Variants in PRDM16 observed in about 807,000 individuals in gnomAD.
PRDM16 encodes the protein PR/SET domain 16, also known as histone-lysine N-methyltransferase PRDM16.
Under a neutral mutation model 110.6 loss-of-function variants are expected in PRDM16, and 23 were observed. The ratio of observed to expected loss-of-function variants is 0.21; its 90% confidence interval spans 0.15 to 0.29. The LOEUF (loss-of-function observed/expected upper bound fraction) is 0.29. Ranked by LOEUF, PRDM16 falls within the 10% of genes least tolerant of loss-of-function variation. PRDM16 has a pLI of 1.00. For missense variants in PRDM16, 1,615 were observed against 1,794.3 expected (o/e 0.90, Z 1.81); for synonymous variants, 799 against 781.8 (o/e 1.02, Z -0.37).
Position 3,433,372 on chromosome 1 carries a change from C to T in PRDM16, c.3697-305C>T, listed in dbSNP as rs542310805. On this transcript the variant is annotated intron_variant, in intron 16 of 16. Coordinates refer to ENST00000270722, the MANE Select transcript of PRDM16 (RefSeq NM_022114.4). The stretch of plus-strand genomic sequence containing the variant: ...GGCCCAGGGCAAGGTTGAGCCAGGC[C>T]AGGGCCACGGGAGGCTGGGAACGGA... Among the ~76,000 whole-genome samples, 168 of 152,360 alleles carry T rather than the reference C, an allele frequency of 1.1e-3. 1 individual carries two copies. The highest frequency in any genetic ancestry group is 3.9e-3 in the African/African-American group (162 of 41,592).
intron 12 of PRDM16, among the ~76,000 whole-genome samples, chr1:3,421,123 C>T (rs1231813854): frequency 2.6e-5 from 4 of 152,302 alleles, no homozygotes; most frequent in East Asian, 3.9e-4. Context: ...TGTATTTTTA[C>T]GGCTGGGTTT....
intron 1 of PRDM16, among the ~76,000 whole-genome samples, chr1:3,181,651 CACACGGTCTT>C (rs1236664475): frequency 6.5e-5 from 9 of 137,500 alleles, no homozygotes; most frequent in African/African-American, 2.3e-4. Flanking sequence ...CACGGTCTTA[CACACGGTCTT>C]ACACAGTCTT....
chr1:3,074,692 C>T (rs1395860279), intron 1 of PRDM16, among the ~76,000 whole-genome samples: 1 of 152,212 alleles, frequency 6.6e-6, no homozygotes, highest in Non-Finnish European at 1.5e-5. Flanking sequence ...CTCCCTCGCT[C>T]ACTGCCTTCA....
chr1:3,197,573 G>A (rs1017201668), intron 2 of PRDM16, among the ~76,000 whole-genome samples: 8 of 152,344 alleles, frequency 5.3e-5, no homozygotes, highest in Middle Eastern at 3.4e-3. Flanking sequence ...CTACGAGGGC[G>A]GCAGGAAGCA....
At chr1:3,322,481 C>T (rs1412246488) in intron 3 of PRDM16, among the ~76,000 whole-genome samples, 1 of 152,162 alleles carries the variant, frequency 6.6e-6, no homozygotes. Context: ...GAGTGCACCC[C>T]GGCTGGGGCT....
intron 3 of PRDM16, among the ~76,000 whole-genome samples, chr1:3,320,972 C>T (rs559570042): frequency 6.6e-6 from 1 of 152,346 alleles, no homozygotes; most frequent in South Asian, 2.1e-4. Flanking sequence ...CCCAAGCACC[C>T]GAGGGAGACG....
intron 1 of PRDM16, among the ~76,000 whole-genome samples, chr1:3,102,937 A>G (rs1329905164): frequency 6.6e-6 from 1 of 152,170 alleles, no homozygotes; most frequent in African/African-American, 2.4e-5. Context: ...CGGTGATGTG[A>G]GTCTGAATGT....
chr1:3,254,600 G>A (rs886908905), intron 3 of PRDM16, among the ~76,000 whole-genome samples: 4 of 152,072 alleles, frequency 2.6e-5, no homozygotes, highest in African/African-American at 9.7e-5. Flanking sequence ...AACTTACAAG[G>A]GACATGAAGG....
chr1:3,392,458 A>G (rs968506738), intron 4 of PRDM16, among the ~76,000 whole-genome samples: 3 of 152,270 alleles, frequency 2.0e-5, no homozygotes, highest in South Asian at 2.1e-4. Flanking sequence ...CTCAGATTCA[A>G]CCCAGTTCCT....
chr1:3,165,277 C>G (rs572814196), intron 1 of PRDM16, among the ~76,000 whole-genome samples: 4 of 97,272 alleles, frequency 4.1e-5, no homozygotes, highest in Non-Finnish European at 8.5e-5. Flanking sequence ...ATGCACTTGG[C>G]CTTAGGGGCA....
intron 5 of PRDM16, among the ~76,000 whole-genome samples, chr1:3,399,111 G>A (rs1326647724): frequency 1.3e-5 from 2 of 152,234 alleles, no homozygotes; most frequent in Non-Finnish European, 2.9e-5. Flanking sequence ...CAATGAAGAG[G>A]AAAGAATTCT....
chr1:3,225,659 G>A (rs765562889), intron 2 of PRDM16, among the ~76,000 whole-genome samples: 20 of 151,876 alleles, frequency 1.3e-4, no homozygotes, highest in Non-Finnish European at 1.5e-4. Context: ...TTATTTTGGC[G>A]TGGAATGGGG....
At chr1:3,193,588 G>A (rs1429655681) in intron 2 of PRDM16, among the ~76,000 whole-genome samples, 1 of 152,210 alleles carries the variant, frequency 6.6e-6, no homozygotes, top group Non-Finnish European at 1.5e-5. Flanking sequence ...CCCCAGGATG[G>A]CAGGCAAGGA....
intron 1 of PRDM16, among the ~76,000 whole-genome samples, chr1:3,139,978 C>T (rs944146447): frequency 7.2e-5 from 11 of 152,268 alleles, no homozygotes; most frequent in African/African-American, 2.2e-4. Flanking sequence ...CAGACAAACA[C>T]GGCAGGCTGG....
chr1:3,098,994 C>T (rs1471968098), intron 1 of PRDM16, among the ~76,000 whole-genome samples: 8 of 152,242 alleles, frequency 5.3e-5, no homozygotes, highest in Non-Finnish European at 1.2e-4. Flanking sequence ...GGAGCTGGTC[C>T]ATCCCTGGCT....
chr1:3,092,775 G>C (rs1642307191), intron 1 of PRDM16, among the ~76,000 whole-genome samples: 1 of 152,110 alleles, frequency 6.6e-6, no homozygotes, highest in Admixed American at 6.5e-5. Context: ...GGCAGCTCTA[G>C]GGTGGCAACC....
At position 3,209,351 on chromosome 1, in the gene PRDM16, G is replaced by A. The variant is rs966272086; in HGVS notation, c.387+22877G>A. Among the ~76,000 whole-genome samples the A allele has an allele frequency of 1.2e-4, 19 of 152,292 alleles. No individual in the cohort carries two copies. The highest frequency in any genetic ancestry group is 4.1e-4 in the African/African-American group (17 of 41,560). On this transcript the variant is annotated intron_variant, in intron 2 of 16. Coordinates refer to ENST00000270722, the MANE Select transcript of PRDM16 (RefSeq NM_022114.4). The surrounding 1 kb of genome is among the most constrained non-coding windows in gnomAD (Gnocchi z 4.6). ...GTTTGACATCGGGGCACGCAGCTCC[G>A]ACGTGGCCGGTCCCGACTGGCACAC...
chr1:3,172,227 T>TA (rs886391163), intron 1 of PRDM16, among the ~76,000 whole-genome samples: 1 of 152,118 alleles, frequency 6.6e-6, no homozygotes, highest in African/African-American at 2.4e-5. Context: ...GTGCCTGTTT[T>TA]ACAGAGGAGG....
rs2500247 is a variant in PRDM16 at position 3,265,843 on chromosome 1, G to C, written c.438+21706G>C. On this transcript the variant is annotated intron_variant, in intron 3 of 16. Coordinates refer to ENST00000270722, the MANE Select transcript of PRDM16 (RefSeq NM_022114.4). This position sits in a 1 kb window ranked among gnomAD's most constrained non-coding sequence, Gnocchi z 4.5. ...CCCTGCCTCAGTGGGTCGTGCCCAG[G>C]TCCTTCGCTCTCTATGATCCCTTTA... Among the ~76,000 whole-genome samples, 34,028 of 152,034 alleles carry C rather than the reference G, an allele frequency of 0.22. 4,778 individuals carry two copies. Among genetic ancestry groups the C allele is most frequent in the African/African-American group, 0.37 (15,180 of 41,422 alleles).
Sources: gnomAD v4.1 joint callset for allele counts (sites outside exome capture counted in the v4.1 genomes callset) on GRCh38, gnomAD v4.1.1 for gene constraint, Gnocchi (gnomAD v3.1) non-coding constraint, MANE v1.5 for transcripts, NCBI Gene and HGNC (gene_info 2026-07-23, HGNC 2026-07-21) for gene names.